The following CDC20B variants were observed in gnomAD, a reference collection of about 807,000 sequenced individuals.
CDC20B encodes cell division cycle protein 20 homolog B.
Under a neutral mutation model 64.1 loss-of-function variants are expected in CDC20B, and 58 were observed. The observed-to-expected ratio is 0.90, with a 90% confidence interval of 0.73 to 1.13. The LOEUF (loss-of-function observed/expected upper bound fraction) is 1.13. CDC20B is among the 50% of genes most tolerant of loss of function. The probability of loss-of-function intolerance (pLI) is 0.00; values close to 1 mark genes in which losing one functional copy is unlikely to be tolerated. For missense variants in CDC20B, 597 were observed against 633.0 expected (o/e 0.94, Z 0.61); for synonymous variants, 243 against 230.6 (o/e 1.05, Z -0.49).
chr5:55,135,252 GA>G (rs1243053066), intron 5 of CDC20B, among the ~76,000 whole-genome samples: 2 of 151,530 alleles, frequency 1.3e-5, no homozygotes, highest in Non-Finnish European at 2.9e-5. Context: ...TATATATACA[GA>G]GAGAGAAAGA....
chr5:55,152,520 T>C (rs1190315197), intron 2 of CDC20B, among the ~76,000 whole-genome samples: 2 of 152,202 alleles, frequency 1.3e-5, no homozygotes, highest in Non-Finnish European at 2.9e-5. Flanking sequence ...TTAATGGGGT[T>C]AGGTAATTTT....
rs369634951 is a variant in CDC20B, at chr5:55,129,989, A to C, written c.698-1372T>G. On this transcript the variant is annotated intron_variant, in intron 6 of 11. Coordinates refer to ENST00000381375, the MANE Select transcript of CDC20B (RefSeq NM_001170402.1). ...AACATAACCAATAGATGAAAACTCC[A>C]AGGTGACCTAGGTATAGAAATTATC... Among the ~76,000 whole-genome samples the C allele has an allele frequency of 3.9e-5, 6 of 152,378 alleles. No homozygotes were observed. In the East Asian group the frequency reaches 1.2e-3, roughly 29 times the overall value.
chr5:55,147,532 TTA>T (rs968881534), intron 2 of CDC20B, among the ~76,000 whole-genome samples: 3 of 148,960 alleles, frequency 2.0e-5, no homozygotes, highest in Non-Finnish European at 4.4e-5. Context: ...TTTTATATAT[TTA>T]TGTGTAAACT....
At position 55,152,822 on chromosome 5, in the gene CDC20B, C is replaced by A. The variant is rs150671352; in HGVS notation, c.127-5966G>T. Reference sequence around the variant, plus strand: ...CTCGGGACATTGGTATCTAGAAACCCCATAATGAATAAATAGATGAATCTC... The same window carrying A: ...CTCGGGACATTGGTATCTAGAAACCACATAATGAATAAATAGATGAATCTC... On this transcript the variant is annotated intron_variant, in intron 2 of 11. Transcript: ENST00000381375. Among the ~76,000 whole-genome samples the A allele has an allele frequency of 1.8e-3, 277 of 152,248 alleles. 2 individuals are homozygous for A. The Middle Eastern group carries it at 0.02, about 11-fold the overall frequency.
intron 4 of CDC20B, among the ~76,000 whole-genome samples, chr5:55,142,414 A>G (rs79341083): frequency 0.012 from 1,883 of 152,322 alleles, 41 homozygotes; most frequent in African/African-American, 0.036. Flanking sequence ...TGATGCTGGG[A>G]TGATGTTCCA....
At chr5:55,128,292 T>A in intron 7 of CDC20B, 129 bp downstream of exon 7, 1 of 551,922 alleles carries the variant, frequency 1.8e-6, no homozygotes, top group Non-Finnish European at 3.0e-6. Context: ...GAATGTCATC[T>A]CCTTTTATTC....
intron 9 of CDC20B, among the ~76,000 whole-genome samples, chr5:55,124,009 T>C (rs1244830529): frequency 1.3e-5 from 2 of 152,204 alleles, no homozygotes; most frequent in Non-Finnish European, 2.9e-5. Context: ...ATTTCTTTGC[T>C]CTGTGAGTGA....
In CDC20B at chr5:55,114,166, A is replaced by G; in HGVS notation, c.*52T>C. ...ACCCCATGGAGAAGACATAGCCAAC[A>G]TCATCATCTTCACTCAGAAATAAGG... On this transcript the variant is annotated 3_prime_UTR_variant, in exon 12 of 12. Coordinates refer to ENST00000381375, the MANE Select transcript of CDC20B (RefSeq NM_001170402.1). This position sits in a 1 kb window ranked among gnomAD's most constrained non-coding sequence, Gnocchi z 4.1. The G allele has an allele frequency of 1.9e-6, 3 of 1,579,826 alleles. No individual in the cohort carries two copies. The East Asian group carries it at 7.0e-5, about 37-fold the overall frequency.
At chr5:55,171,749 C>T (rs1339645666) in intron 2 of CDC20B, among the ~76,000 whole-genome samples, 1 of 151,970 alleles carries the variant, frequency 6.6e-6, no homozygotes, top group Non-Finnish European at 1.5e-5. Context: ...ACTACAGGCA[C>T]ATGTCATCAT....
intron 2 of CDC20B, among the ~76,000 whole-genome samples, chr5:55,148,575 G>A (rs1057418296): frequency 1.3e-5 from 2 of 152,148 alleles, no homozygotes; most frequent in Admixed American, 6.5e-5. Context: ...TGAGTTGAGC[G>A]TGGTGGTGTG....
intron 8 of CDC20B, chr5:55,126,555 C>T: frequency 5.4e-6 from 1 of 185,424 alleles, no homozygotes; most frequent in South Asian, 7.5e-5. Context: ...AAATGAATGG[C>T]TATGATTAAA....
Position 55,124,971 on chromosome 5 carries a change from A to T in CDC20B, c.1047T>A (p.Val349=), listed in dbSNP as rs382402. ...CAGCTTGCTTGTGGCGAAGTGTTCCAACATGATGCTGGGCTACCCGAACAT... is the reference window on the plus strand; with the variant it reads ...CAGCTTGCTTGTGGCGAAGTGTTCCTACATGATGCTGGGCTACCCGAACAT... ...HHDVRVAQHH[V]GTLRHKQAVC... Residue 349 remains valine, a synonymous_variant, in exon 9 of 12, where the codon GTT becomes GTA. Coordinates refer to ENST00000381375, the MANE Select transcript of CDC20B (RefSeq NM_001170402.1). The T allele has an allele frequency of 1.2e-5, 20 of 1,613,974 alleles. No homozygotes were observed. Among genetic ancestry groups the T allele is most frequent in the African/African-American group, 2.7e-5 (2 of 74,924 alleles).
intron 2 of CDC20B, among the ~76,000 whole-genome samples, chr5:55,157,519 C>T (rs1743848139): frequency 6.6e-6 from 1 of 152,172 alleles, no homozygotes; most frequent in Non-Finnish European, 1.5e-5. Context: ...AACAAACTGG[C>T]TCTGATTTCA....
chr5:55,163,859 T>C (rs1189485705), intron 2 of CDC20B, among the ~76,000 whole-genome samples: 1 of 149,860 alleles, frequency 6.7e-6, no homozygotes, highest in Non-Finnish European at 1.5e-5. Context: ...AGTAGACTCA[T>C]AGGTGAAGTC....
intron 2 of CDC20B, among the ~76,000 whole-genome samples, chr5:55,155,448 G>T (rs534228913): frequency 2.0e-4 from 31 of 152,254 alleles, no homozygotes; most frequent in African/African-American, 7.0e-4. Flanking sequence ...AGCCCAGGTA[G>T]CTCTGAAGCA....
At position 55,153,566 on chromosome 5, in the gene CDC20B, C is replaced by T. The variant is rs139560619; in HGVS notation, c.127-6710G>A. ...AATTTGCTGCCAGTGTCCTAGATGGCACAAGTCAGCAGATCCACGTTAGCC... is the reference window on the plus strand; with the variant it reads ...AATTTGCTGCCAGTGTCCTAGATGGTACAAGTCAGCAGATCCACGTTAGCC... On this transcript the variant is annotated intron_variant, in intron 2 of 11. Transcript: ENST00000381375. Among the ~76,000 whole-genome samples the T allele has an allele frequency of 9.2e-5, 14 of 152,078 alleles. No homozygotes were observed. In the East Asian group the frequency reaches 2.7e-3, roughly 30 times the overall value.
intron 2 of CDC20B, among the ~76,000 whole-genome samples, chr5:55,156,840 C>T (rs567523387): frequency 3.3e-5 from 5 of 152,276 alleles, no homozygotes; most frequent in African/African-American, 1.2e-4. Flanking sequence ...CACCACTGCA[C>T]TCCAGTCTAG....
intron 2 of CDC20B, chr5:55,170,570 GCCATTCACATAT>G: frequency 1.9e-6 from 1 of 534,822 alleles, no homozygotes; most frequent in East Asian, 5.4e-5. Flanking sequence ...GTTAGCCGAT[GCCATTCACATAT>G]TCAACCAGCT....
At chr5:55,169,484 C>T (rs139630234) in intron 2 of CDC20B, among the ~76,000 whole-genome samples, 2 of 152,198 alleles carry the variant, frequency 1.3e-5, no homozygotes, top group East Asian at 1.9e-4. Flanking sequence ...TATGCTACTT[C>T]GTGGGTCAAA....
Sources: gnomAD v4.1 joint callset for allele counts (sites outside exome capture counted in the v4.1 genomes callset) on GRCh38, gnomAD v4.1.1 for gene constraint, Gnocchi (gnomAD v3.1) non-coding constraint, MANE v1.5 for transcripts, NCBI Gene and HGNC (gene_info 2026-07-23, HGNC 2026-07-21) for gene names.